The following FRMD4A variants were observed in gnomAD, a reference collection of about 807,000 sequenced individuals.
FRMD4A encodes the protein FERM domain-containing protein 4A.
Under a neutral mutation model 129.1 loss-of-function variants are expected in FRMD4A, and 29 were observed. That is an observed-to-expected ratio of 0.22 (90% CI 0.17 to 0.31). The LOEUF (loss-of-function observed/expected upper bound fraction) is 0.31, where lower values mean the gene tolerates loss of function less well. Among genes scored for constraint, FRMD4A ranks in the 10% least tolerant of loss-of-function variants. The pLI is 1.00. For synonymous variants in FRMD4A, 634 were observed against 571.6 expected (o/e 1.11, Z -1.56); for missense variants, 1,272 against 1,375.8 (o/e 0.92, Z 1.19).
chr10:14,013,086 G>A (rs1318933012), intron 2 of FRMD4A, among the ~76,000 whole-genome samples: 1 of 152,128 alleles, frequency 6.6e-6, no homozygotes, highest in Non-Finnish European at 1.5e-5. Flanking sequence ...GTGAGCTGGA[G>A]AAAGAGATGG....
intron 2 of FRMD4A, among the ~76,000 whole-genome samples, chr10:14,247,090 G>A (rs1019007892): frequency 3.9e-5 from 6 of 151,990 alleles, no homozygotes; most frequent in African/African-American, 7.3e-5. Context: ...CTCTTCTAGC[G>A]CGTGCACCAA....
At chr10:13,878,671 T>C (rs1003301716) in intron 2 of FRMD4A, among the ~76,000 whole-genome samples, 1 of 151,894 alleles carries the variant, frequency 6.6e-6, no homozygotes, top group Non-Finnish European at 1.5e-5. Flanking sequence ...AAGAATCACT[T>C]GAACCCGGGA....
chr10:14,297,607 G>C (rs1239932621), intron 2 of FRMD4A, among the ~76,000 whole-genome samples: 1 of 152,114 alleles, frequency 6.6e-6, no homozygotes, highest in Non-Finnish European at 1.5e-5. Context: ...CCTCCTGACT[G>C]GACCCCAGGC....
chr10:13,892,632 T>TG (rs1291199681), intron 2 of FRMD4A, among the ~76,000 whole-genome samples: 2 of 152,180 alleles, frequency 1.3e-5, no homozygotes, highest in Non-Finnish European at 2.9e-5. Flanking sequence ...AAGGGGATGC[T>TG]GGCAAGAGCC....
chr10:14,317,559 G>C (rs188641605), intron 2 of FRMD4A, among the ~76,000 whole-genome samples: 1 of 152,178 alleles, frequency 6.6e-6, no homozygotes, highest in Admixed American at 6.5e-5. Flanking sequence ...TTGAGAGCAG[G>C]GACTAGGTGG....
At chr10:14,315,159 C>G (rs912392859) in intron 2 of FRMD4A, among the ~76,000 whole-genome samples, 1 of 152,006 alleles carries the variant, frequency 6.6e-6, no homozygotes, top group African/African-American at 2.4e-5. Context: ...ATCCATGGAT[C>G]CCGGCTCTTC....
chr10:13,742,777 G>A (rs1002445320), intron 9 of FRMD4A, among the ~76,000 whole-genome samples: 1 of 152,090 alleles, frequency 6.6e-6, no homozygotes, highest in African/African-American at 2.4e-5. Flanking sequence ...TCAGCCTCCT[G>A]AAATGCTGGG....
At chr10:13,766,580 C>T (rs1047823089) in intron 6 of FRMD4A, among the ~76,000 whole-genome samples, 3 of 152,148 alleles carry the variant, frequency 2.0e-5, no homozygotes, top group Non-Finnish European at 2.9e-5. Context: ...AAGACCAAAA[C>T]GGTGTGGATA....
chr10:13,804,275 G>C lies in FRMD4A; in HGVS notation c.206+6539C>G, dbSNP rs182545707. Among the ~76,000 whole-genome samples the C allele has an allele frequency of 7.9e-5, 12 of 152,316 alleles. No homozygotes were observed. The East Asian group carries it at 2.3e-3, about 29-fold the overall frequency. On this transcript the variant is annotated intron_variant, in intron 4 of 24. Transcript: ENST00000357447. ...TATTTCCAAATAAATTGCTTTCCCAGAGCTGTGTCTTGTGGTTGTTTCTTC... is the reference window on the plus strand; with the variant it reads ...TATTTCCAAATAAATTGCTTTCCCACAGCTGTGTCTTGTGGTTGTTTCTTC...
intron 2 of FRMD4A, among the ~76,000 whole-genome samples, chr10:14,272,571 A>T (rs1845199156): frequency 6.6e-6 from 1 of 152,216 alleles, no homozygotes; most frequent in Non-Finnish European, 1.5e-5. Flanking sequence ...AGGTAGGATC[A>T]CTTTCTCTCT....
intron 2 of FRMD4A, among the ~76,000 whole-genome samples, chr10:14,101,152 C>T (rs757524736): frequency 1.3e-5 from 2 of 152,182 alleles, no homozygotes; most frequent in East Asian, 3.8e-4. Context: ...TTTAAAAACA[C>T]TTGACTTATA....
chr10:14,175,898 C>G (rs562939505), intron 2 of FRMD4A, among the ~76,000 whole-genome samples: 1 of 152,328 alleles, frequency 6.6e-6, no homozygotes, highest in East Asian at 1.9e-4. Flanking sequence ...CTTAACCAGA[C>G]ATGTACATCC....
intron 2 of FRMD4A, among the ~76,000 whole-genome samples, chr10:14,264,099 T>C (rs559408372): frequency 4.6e-4 from 70 of 152,300 alleles, no homozygotes; most frequent in Non-Finnish European, 7.4e-4. Flanking sequence ...ACTTTTCACC[T>C]GCCAAGCGCT....
intron 2 of FRMD4A, among the ~76,000 whole-genome samples, chr10:14,082,267 T>G (rs1249402522): frequency 1.3e-5 from 2 of 151,952 alleles, no homozygotes; most frequent in Non-Finnish European, 2.9e-5. Flanking sequence ...ACAAACACAA[T>G]CTAAGATATT....
intron 2 of FRMD4A, among the ~76,000 whole-genome samples, chr10:14,187,370 A>T (rs1295238348): frequency 1.3e-5 from 2 of 152,208 alleles, no homozygotes; most frequent in Non-Finnish European, 1.5e-5. Context: ...CTTTCCTAAG[A>T]TTACAGAAGT....
At chr10:13,748,601 T>C (rs2091414939) in intron 8 of FRMD4A, among the ~76,000 whole-genome samples, 2 of 152,072 alleles carry the variant, frequency 1.3e-5, no homozygotes, top group South Asian at 4.1e-4. Context: ...CTGTAACTTT[T>C]GCTTTTGAGG....
chr10:13,982,855 G>A (rs537429608), intron 2 of FRMD4A, among the ~76,000 whole-genome samples: 5 of 152,302 alleles, frequency 3.3e-5, no homozygotes, highest in African/African-American at 9.6e-5. Context: ...AATTTTCAGC[G>A]AACTTTCTGA....
chr10:13,666,067 T>C (rs993273300), intron 18 of FRMD4A, 30 bp downstream of exon 18: 1 of 1,387,080 alleles, frequency 7.2e-7, no homozygotes, highest in African/African-American at 1.4e-5. Flanking sequence ...GGCGTGGGAG[T>C]GGGGTGGGGG....
At chr10:13,967,323 C>T (rs1490261441) in intron 2 of FRMD4A, among the ~76,000 whole-genome samples, 1 of 150,866 alleles carries the variant, frequency 6.6e-6, no homozygotes, top group Non-Finnish European at 1.5e-5. Context: ...GGCGACAGAG[C>T]GAGACTCCGT....
Sources: gnomAD v4.1 joint callset for allele counts (sites outside exome capture counted in the v4.1 genomes callset) on GRCh38, gnomAD v4.1.1 for gene constraint, MANE v1.5 for transcripts, NCBI Gene and HGNC (gene_info 2026-07-23, HGNC 2026-07-21) for gene names.